MAGI1: variants seen among roughly 807,000 people sequenced by gnomAD.
MAGI1 encodes membrane-associated guanylate kinase, WW and PDZ domain-containing protein 1.
Under a neutral mutation model 139.9 loss-of-function variants are expected in MAGI1, and 58 were observed. That is an observed-to-expected ratio of 0.41 (90% CI 0.34 to 0.52). The LOEUF is 0.52. Among genes scored for constraint, MAGI1 ranks in the 20% least tolerant of loss-of-function variants. The probability of loss-of-function intolerance (pLI) is 0.12; values close to 1 mark genes in which losing one functional copy is unlikely to be tolerated. For synonymous variants in MAGI1, 812 were observed against 737.9 expected (o/e 1.10, Z -1.63); for missense variants, 1,874 against 1,901.6 (o/e 0.99, Z 0.27).
At chr3:65,764,937 A>G (rs1448698145) in intron 1 of MAGI1, among the ~76,000 whole-genome samples, 3 of 152,190 alleles carry the variant, frequency 2.0e-5, no homozygotes, top group African/African-American at 4.8e-5. Context: ...CTATGTACTA[A>G]TTTTCTGGGG....
intron 2 of MAGI1, among the ~76,000 whole-genome samples, chr3:65,614,876 C>T (rs887152705): frequency 5.3e-5 from 8 of 151,608 alleles, no homozygotes; most frequent in Admixed American, 4.0e-4. Context: ...ATAAAAAAGA[C>T]CCAGGCATGG....
rs1291008960 is a variant in MAGI1, at chr3:66,038,147, C to A, written c.162G>T (p.Gly54=). 3 of 1,611,918 alleles carry A rather than the reference C, an allele frequency of 1.9e-6. No individual in the cohort carries two copies. The South Asian group carries it at 3.3e-5, about 18-fold the overall frequency. ...VGAVAAVEAA[G]LPGGGEGPRL... ...TCGGGCCCTCGCCGCCGCCGGGAAG[C>A]CCCGCTGCCTCGACCGCCGCCACCG... The change falls in exon 1 of 23, where the codon GGG becomes GGT. Residue 54 remains glycine, a synonymous_variant. Coordinates refer to ENST00000402939, the MANE Select transcript of MAGI1 (RefSeq NM_001033057.2).
chr3:65,910,911 G>A (rs949112967), intron 1 of MAGI1, among the ~76,000 whole-genome samples: 9 of 116,330 alleles, frequency 7.7e-5, no homozygotes, highest in Non-Finnish European at 1.3e-4. Flanking sequence ...AGGCTGGAGT[G>A]CAGTGGCATG....
rs538884768 is a variant in MAGI1 at position 65,356,615 on chromosome 3, G to A, written c.4152C>T (p.Pro1384=). The change falls in exon 23 of 23, where the codon CCC becomes CCT. Residue 1384 remains proline (P), a synonymous_variant. Transcript: ENST00000402939. ...CGGGCGAGCCCCCTCTCCTGCGCTC[G>A]GGGGACCTCCTCTGCTCCAGGAGTC... ...LERLLEQRRS[P]ERRRGGSPER... is the part of the protein sequence containing the mutation. The A allele has an allele frequency of 8.8e-6, 14 of 1,594,052 alleles. No homozygotes were observed. In the South Asian group the frequency reaches 1.5e-4, roughly 17 times the overall value.
At chr3:65,470,559 T>C (rs1950500292) in intron 4 of MAGI1, 75 bp from the exon 5 acceptor site, 6 of 930,078 alleles carry the variant, frequency 6.5e-6, no homozygotes, top group Non-Finnish European at 1.0e-5. Context: ...TCATACCCCA[T>C]ACCCGGGAAG....
intron 1 of MAGI1, among the ~76,000 whole-genome samples, chr3:65,713,519 C>T (rs2031790068): frequency 6.6e-6 from 1 of 152,116 alleles, no homozygotes; most frequent in African/African-American, 2.4e-5. Flanking sequence ...CCTGTGGGAA[C>T]TACTAAAACA....
chr3:65,967,017 T>C (rs939470927), intron 1 of MAGI1, among the ~76,000 whole-genome samples: 1 of 152,152 alleles, frequency 6.6e-6, no homozygotes, highest in African/African-American at 2.4e-5. Flanking sequence ...ATTATACAGA[T>C]GACAATACTG....
chr3:65,818,462 C>A (rs2041747366), intron 1 of MAGI1, among the ~76,000 whole-genome samples: 1 of 152,088 alleles, frequency 6.6e-6, no homozygotes, highest in Non-Finnish European at 1.5e-5. Context: ...GGGTCCAACC[C>A]AGACGTGGGA....
intron 1 of MAGI1, among the ~76,000 whole-genome samples, chr3:65,655,671 C>T (rs554470643): frequency 6.6e-6 from 1 of 152,294 alleles, no homozygotes; most frequent in African/African-American, 2.4e-5. Flanking sequence ...GATATGGGAA[C>T]TATCATTACC....
intron 1 of MAGI1, among the ~76,000 whole-genome samples, chr3:65,796,976 C>G (rs1447918118): frequency 6.6e-6 from 1 of 152,150 alleles, no homozygotes; most frequent in East Asian, 1.9e-4. Flanking sequence ...TCTCATCTTC[C>G]AAGGGTGTGA....
chr3:65,427,415 T>A (rs1478562589), intron 12 of MAGI1, among the ~76,000 whole-genome samples: 1 of 152,220 alleles, frequency 6.6e-6, no homozygotes, highest in Non-Finnish European at 1.5e-5. Context: ...ATGTGTAAGT[T>A]AGTTGGCTAT....
chr3:65,921,900 T>C (rs1480674049), intron 1 of MAGI1, among the ~76,000 whole-genome samples: 5 of 147,830 alleles, frequency 3.4e-5, no homozygotes, highest in East Asian at 2.0e-4. Flanking sequence ...AGTGAGACCC[T>C]ATCTCCAACC....
rs1940163193 is a variant in MAGI1, at chr3:65,355,607, T to C, written c.*771A>G. 6.6e-6 allele frequency: 1 copy of C among 152,586 alleles called. No homozygotes were observed. Among genetic ancestry groups the C allele is most frequent in the Non-Finnish European group, 1.5e-5 (1 of 68,018 alleles). 9.5% of individuals were successfully genotyped at this position (152,586 alleles called of 1,614,324 possible). A position where few individuals can be genotyped will look rare whatever the true frequency, so the allele number is the denominator to read the frequency against. On this transcript the variant is annotated 3_prime_UTR_variant, in exon 23 of 23. Transcript: ENST00000402939. ...AAAGCTGTGATGGCATTGCCTTCAA[T>C]GAGATTTTATCAGATGTTGGTGATG...
At chr3:65,453,361 TA>T in intron 5 of MAGI1, 21 bp from the exon 6 acceptor site, 1 of 1,323,238 alleles carries the variant, frequency 7.6e-7, no homozygotes. Context: ...GAAACAAAAA[TA>T]AGAAATTTGT....
intron 1 of MAGI1, among the ~76,000 whole-genome samples, chr3:65,640,710 C>G (rs2084934688): frequency 6.6e-6 from 1 of 152,188 alleles, no homozygotes; most frequent in Non-Finnish European, 1.5e-5. Context: ...TCTTAACTTC[C>G]TCTCCGAATA....
chr3:65,374,285 A>G (rs1324996588), intron 18 of MAGI1, among the ~76,000 whole-genome samples: 3 of 146,752 alleles, frequency 2.0e-5, no homozygotes, highest in Non-Finnish European at 4.5e-5. Flanking sequence ...AAGGATCTAT[A>G]CTTCCTGGCC....
chr3:65,400,152 T>G (rs1241728157), intron 13 of MAGI1, among the ~76,000 whole-genome samples: 6 of 152,204 alleles, frequency 3.9e-5, no homozygotes, highest in African/African-American at 1.4e-4. Flanking sequence ...GCACACACTT[T>G]GGCATCTTTG....
chr3:65,408,602 C>T (rs1945538079), intron 12 of MAGI1, among the ~76,000 whole-genome samples: 1 of 152,180 alleles, frequency 6.6e-6, no homozygotes, highest in Non-Finnish European at 1.5e-5. Flanking sequence ...CAATGAACAT[C>T]AATGGCCGGC....
At chr3:65,512,597 CT>C (rs1441030252) in intron 2 of MAGI1, among the ~76,000 whole-genome samples, 3 of 152,186 alleles carry the variant, frequency 2.0e-5, no homozygotes, top group African/African-American at 7.2e-5. Context: ...TCTCCCAAGA[CT>C]AAGCCAGGAA....
Sources: gnomAD v4.1 joint callset for allele counts (sites outside exome capture counted in the v4.1 genomes callset) on GRCh38, gnomAD v4.1.1 for gene constraint, MANE v1.5 for transcripts, NCBI Gene and HGNC (gene_info 2026-07-23, HGNC 2026-07-21) for gene names.